DLGAP4: variants seen among roughly 807,000 people sequenced by gnomAD.
DLGAP4 encodes the protein DLG associated protein 4.
In DLGAP4, 18 loss-of-function variants were observed where a neutral mutation model predicts 86.9. That is an observed-to-expected ratio of 0.21 (90% CI 0.14 to 0.31). The LOEUF (loss-of-function observed/expected upper bound fraction) is 0.31. Ranked by LOEUF, DLGAP4 falls within the 10% of genes least tolerant of loss-of-function variation. The probability of loss-of-function intolerance (pLI) is 1.00; values close to 1 mark genes in which losing one functional copy is unlikely to be tolerated. For missense variants in DLGAP4, 1,085 were observed against 1,362.6 expected, an observed-to-expected ratio of 0.80 and a Z score of 3.21; for synonymous variants, 548 against 574.3, an observed-to-expected ratio of 0.95 and a Z score of 0.65.
At chr20:36,370,086 A>G (rs765134435) in intron 2 of DLGAP4, among the ~76,000 whole-genome samples, 5 of 152,142 alleles carry the variant, frequency 3.3e-5, no homozygotes, top group South Asian at 4.1e-4. Flanking sequence ...TTCCTCAGAC[A>G]TGTCTGTGCC....
intron 1 of DLGAP4, among the ~76,000 whole-genome samples, chr20:36,311,322 A>G (rs917052199): frequency 6.6e-6 from 1 of 152,044 alleles, no homozygotes; most frequent in Non-Finnish European, 1.5e-5. Flanking sequence ...TGCAGATCAC[A>G]CATTATTTCC....
intron 7 of DLGAP4, among the ~76,000 whole-genome samples, chr20:36,448,347 C>T (rs2033654535): frequency 6.6e-6 from 1 of 152,164 alleles, no homozygotes; most frequent in Non-Finnish European, 1.5e-5. Context: ...AAGACCTTGT[C>T]TCAAAATAAT....
At chr20:36,444,433 A>G (rs1411305882) in intron 6 of DLGAP4, among the ~76,000 whole-genome samples, 1 of 151,844 alleles carries the variant, frequency 6.6e-6, no homozygotes, top group Admixed American at 6.6e-5. Context: ...ACAGGCACGC[A>G]CCACCATGCC....
At chr20:36,510,311 T>C (rs538362146) in intron 10 of DLGAP4, among the ~76,000 whole-genome samples, 13 of 152,106 alleles carry the variant, frequency 8.5e-5, no homozygotes, top group African/African-American at 3.1e-4. Flanking sequence ...GCACCCCATC[T>C]GAAGTGCAGT....
At chr20:36,409,611 A>T (rs1214089079) in intron 2 of DLGAP4, among the ~76,000 whole-genome samples, 1 of 151,436 alleles carries the variant, frequency 6.6e-6, no homozygotes, top group Non-Finnish European at 1.5e-5. Context: ...GCTACTAGGG[A>T]GGCTGAGGCA....
chr20:36,395,261 G>A (rs1213845007), intron 2 of DLGAP4, among the ~76,000 whole-genome samples: 1 of 152,118 alleles, frequency 6.6e-6, no homozygotes, highest in African/African-American at 2.4e-5. Context: ...AGGTATTGTT[G>A]CATGACATTA....
At position 36,500,118 on chromosome 20, in the gene DLGAP4, G is replaced by A. The variant is rs372330682; in HGVS notation, c.2100-81G>A. 49 of 1,441,776 alleles carry A rather than the reference G, an allele frequency of 3.4e-5. No homozygotes were observed. The Middle Eastern group carries it at 7.4e-4, about 22-fold the overall frequency. 89.3% of individuals were successfully genotyped at this position (1,441,776 alleles called of 1,614,324 possible). On this transcript the variant is annotated intron_variant, in intron 9 of 12. Transcript: ENST00000339266. This position sits in a 1 kb window ranked among gnomAD's most constrained non-coding sequence, Gnocchi z 4.6. ...CCGTTTCTCTGTCTCCCGTGTGTCC[G>A]GGTCAAGGCGGCCTCTGGTCTCTGG...
intron 1 of DLGAP4, among the ~76,000 whole-genome samples, chr20:36,320,786 T>C (rs2065160380): frequency 6.6e-6 from 1 of 151,994 alleles, no homozygotes; most frequent in Non-Finnish European, 1.5e-5. Context: ...TCTACCGACT[T>C]TGGACGGGTC....
intron 7 of DLGAP4, among the ~76,000 whole-genome samples, chr20:36,473,388 A>AT (rs1286981661): frequency 6.6e-6 from 1 of 152,070 alleles, no homozygotes; most frequent in Admixed American, 6.6e-5. Context: ...CAGATTCCTC[A>AT]TTTGTTTGTC....
chr20:36,390,594 C>G (rs1226787726), intron 2 of DLGAP4, among the ~76,000 whole-genome samples: 1 of 152,182 alleles, frequency 6.6e-6, no homozygotes, highest in Non-Finnish European at 1.5e-5. Context: ...CCACTGTACC[C>G]CCCTCTAGTC....
At chr20:36,440,845 C>T (rs2033426772) in intron 5 of DLGAP4, among the ~76,000 whole-genome samples, 2 of 152,150 alleles carry the variant, frequency 1.3e-5, no homozygotes, top group Admixed American at 1.3e-4. Flanking sequence ...CGGGTCCAGC[C>T]TCCTCTCAGC....
chr20:36,307,672 G>C (rs537234834), intron 1 of DLGAP4, among the ~76,000 whole-genome samples: 2 of 152,148 alleles, frequency 1.3e-5, no homozygotes, highest in African/African-American at 4.8e-5. Flanking sequence ...AAGTGGAAAT[G>C]ACATAGCGGG....
intron 10 of DLGAP4, among the ~76,000 whole-genome samples, chr20:36,517,251 G>A (rs1328576273): frequency 8.6e-5 from 13 of 152,046 alleles, no homozygotes; most frequent in Admixed American, 6.5e-4. Flanking sequence ...TGGTGCGGGC[G>A]CCTGTAATCC....
intron 7 of DLGAP4, among the ~76,000 whole-genome samples, chr20:36,454,272 AG>A (rs1569504335): frequency 1.3e-5 from 2 of 151,358 alleles, no homozygotes; most frequent in Non-Finnish European, 3.0e-5. Flanking sequence ...AAAAAAAAAA[AG>A]ATAGAAAGAA....
chr20:36,462,685 G>A, intron 7 of DLGAP4: 2 of 1,510,900 alleles, frequency 1.3e-6, no homozygotes, highest in South Asian at 2.5e-5. Flanking sequence ...GCTGGGGCAA[G>A]GGCTGGCGCT....
rs2147468198 is a variant in DLGAP4, at chr20:36,393,428, G to A, written c.-73+26153G>A. Among the ~76,000 whole-genome samples the A allele has an allele frequency of 6.6e-6, 1 of 152,242 alleles. No individual in the cohort carries two copies. Among genetic ancestry groups the A allele is most frequent in the South Asian group, 2.1e-4 (1 of 4,828 alleles). The stretch of plus-strand genomic sequence containing the variant: ...TAAAATTAATCCCTGTCCCCCGGCT[G>A]CTAACTTACGAAGTGCTGGGCTCCT... On this transcript the variant is annotated intron_variant, in intron 2 of 12. Coordinates refer to ENST00000339266, the MANE Select transcript of DLGAP4 (RefSeq NM_001365621.2). The surrounding 1 kb of genome is among the most constrained non-coding windows in gnomAD (Gnocchi z 4.4).
intron 10 of DLGAP4, among the ~76,000 whole-genome samples, chr20:36,520,019 C>T (rs1004120538): frequency 1.3e-5 from 2 of 150,576 alleles, no homozygotes; most frequent in Non-Finnish European, 3.0e-5. Flanking sequence ...TGGTCCTGAA[C>T]TCCCAGGCTC....
At chr20:36,373,422 C>A (rs965281375) in intron 2 of DLGAP4, among the ~76,000 whole-genome samples, 1 of 152,202 alleles carries the variant, frequency 6.6e-6, no homozygotes, top group African/African-American at 2.4e-5. Flanking sequence ...AGTCCCAGAA[C>A]TAAGTCTTGG....
chr20:36,483,367 C>G (rs1019113852), intron 7 of DLGAP4, among the ~76,000 whole-genome samples: 3 of 152,160 alleles, frequency 2.0e-5, no homozygotes, highest in African/African-American at 4.8e-5. Context: ...ATGCCCGGAA[C>G]TGGTGTTCTC....
Sources: gnomAD v4.1 joint callset for allele counts (sites outside exome capture counted in the v4.1 genomes callset) on GRCh38, gnomAD v4.1.1 for gene constraint, Gnocchi (gnomAD v3.1) non-coding constraint, MANE v1.5 for transcripts, NCBI Gene and HGNC (gene_info 2026-07-23, HGNC 2026-07-21) for gene names.